The following RBFOX1 variants were observed in gnomAD, a reference collection of about 807,000 sequenced individuals.
RBFOX1 encodes RNA binding protein fox-1 homolog 1.
RBFOX1 carries 8 observed loss-of-function variants against 57.7 expected under a neutral mutation model. The ratio of observed to expected loss-of-function variants is 0.14; its 90% CI spans 0.08 to 0.25. RBFOX1 has a LOEUF of 0.25. RBFOX1 is among the 10% of genes least tolerant of loss of function. The probability of loss-of-function intolerance (pLI) is 1.00; values close to 1 mark genes in which losing one functional copy is unlikely to be tolerated. For missense variants in RBFOX1, 611 were observed against 548.5 expected (o/e 1.11, Z -1.14); for synonymous variants, 326 against 222.4 (o/e 1.47, Z -4.15).
chr16:5,842,478 G>C (rs1437900544), intron 3 of RBFOX1, among the ~76,000 whole-genome samples: 1 of 152,160 alleles, frequency 6.6e-6, no homozygotes, highest in South Asian at 2.1e-4. Context: ...AGCACCTACT[G>C]CATGCCTGCC....
intron 3 of RBFOX1, among the ~76,000 whole-genome samples, chr16:6,740,668 A>C (rs2071783032): frequency 6.6e-6 from 1 of 152,220 alleles, no homozygotes; most frequent in African/African-American, 2.4e-5. Context: ...TTAGGTGTGC[A>C]TCTAACAGGA....
chr16:6,496,765 G>A (rs892960134), intron 2 of RBFOX1, among the ~76,000 whole-genome samples: 1 of 152,112 alleles, frequency 6.6e-6, no homozygotes, highest in Non-Finnish European at 1.5e-5. Context: ...TTCGAGACCA[G>A]CCTGGCCAAC....
chr16:5,850,358 A>G (rs1002886769), intron 3 of RBFOX1, among the ~76,000 whole-genome samples: 5 of 152,220 alleles, frequency 3.3e-5, no homozygotes, highest in Non-Finnish European at 5.9e-5. Flanking sequence ...TAGTAAGAAC[A>G]TATGTGTGCA....
intron 5 of RBFOX1, among the ~76,000 whole-genome samples, chr16:7,576,594 T>C (rs192582833): frequency 1.0e-3 from 156 of 152,354 alleles, no homozygotes; most frequent in African/African-American, 3.4e-3. Context: ...AAATGATTAA[T>C]TGAGCGTTGT....
intron 4 of RBFOX1, among the ~76,000 whole-genome samples, chr16:7,385,225 T>C (rs1219970611): frequency 2.0e-5 from 3 of 152,210 alleles, no homozygotes; most frequent in Non-Finnish European, 4.4e-5. Context: ...CAAAGATGAC[T>C]GCTTGCCACG....
chr16:7,026,571 C>G (rs559291405), intron 3 of RBFOX1, among the ~76,000 whole-genome samples: 2 of 152,126 alleles, frequency 1.3e-5, no homozygotes, highest in African/African-American at 2.4e-5. Flanking sequence ...CTCCCCGTCC[C>G]CTCTCCTGGC....
At chr16:7,448,218 C>A (rs763919369) in intron 4 of RBFOX1, among the ~76,000 whole-genome samples, 2 of 152,142 alleles carry the variant, frequency 1.3e-5, no homozygotes, top group African/African-American at 2.4e-5. Context: ...TCTCTTAGTT[C>A]TGGAAGTTGG....
intron 3 of RBFOX1, among the ~76,000 whole-genome samples, chr16:7,036,436 C>T (rs753101625): frequency 6.6e-6 from 1 of 151,938 alleles, no homozygotes; most frequent in African/African-American, 2.4e-5. Flanking sequence ...GGCGGCCGGG[C>T]GTGGTGGCTC....
chr16:7,555,845 G>A (rs2088242878), intron 5 of RBFOX1, among the ~76,000 whole-genome samples: 1 of 152,126 alleles, frequency 6.6e-6, no homozygotes, highest in East Asian at 1.9e-4. Flanking sequence ...CTCCTGCTCA[G>A]TATTTATCTC....
intron 1 of RBFOX1, among the ~76,000 whole-genome samples, chr16:5,393,211 G>T (rs1351868895): frequency 1.3e-5 from 2 of 152,086 alleles, no homozygotes; most frequent in Non-Finnish European, 2.9e-5. Context: ...GGCTGTGGCT[G>T]TTCTGAGTCA....
intron 13 of RBFOX1, among the ~76,000 whole-genome samples, chr16:7,666,620 G>T (rs1194772495): frequency 6.6e-6 from 1 of 152,136 alleles, no homozygotes; most frequent in Non-Finnish European, 1.5e-5. Flanking sequence ...CACAAATAAG[G>T]AAAAAGAAGG....
chr16:6,563,647 C>T (rs113113124), intron 2 of RBFOX1, among the ~76,000 whole-genome samples: 1 of 151,938 alleles, frequency 6.6e-6, no homozygotes, highest in African/African-American at 2.4e-5. Context: ...GGTTCACGAC[C>T]GTTATCAGCA....
At chr16:6,759,275 C>G (rs769307153) in intron 3 of RBFOX1, among the ~76,000 whole-genome samples, 1 of 152,050 alleles carries the variant, frequency 6.6e-6, no homozygotes, top group East Asian at 1.9e-4. Flanking sequence ...TTCAGCCTCC[C>G]AAGTAGCTGG....
chr16:6,796,715 C>T (rs1436302520), intron 3 of RBFOX1, among the ~76,000 whole-genome samples: 1 of 152,078 alleles, frequency 6.6e-6, no homozygotes, highest in Non-Finnish European at 1.5e-5. Context: ...GATGAACTTT[C>T]TCTCCTGGGT....
chr16:6,388,497 T>C (rs889266949), intron 2 of RBFOX1, among the ~76,000 whole-genome samples: 4 of 152,142 alleles, frequency 2.6e-5, no homozygotes, highest in Admixed American at 1.3e-4. Context: ...TTTAATTAAT[T>C]TGTCTTTTAG....
At chr16:7,432,470 C>T (rs1447405047) in intron 4 of RBFOX1, among the ~76,000 whole-genome samples, 1 of 152,186 alleles carries the variant, frequency 6.6e-6, no homozygotes, top group Non-Finnish European at 1.5e-5. Flanking sequence ...ACTCAGGTTG[C>T]ATTGCACCTT....
chr16:7,414,006 A>G (rs754314090), intron 4 of RBFOX1, among the ~76,000 whole-genome samples: 48 of 152,198 alleles, frequency 3.2e-4, no homozygotes, highest in Non-Finnish European at 6.5e-4. Flanking sequence ...CACCTCCTGC[A>G]GAGATGTGGA....
intron 3 of RBFOX1, among the ~76,000 whole-genome samples, chr16:5,772,504 C>A (rs2054014148): frequency 6.6e-6 from 1 of 152,118 alleles, no homozygotes; most frequent in Admixed American, 6.6e-5. Flanking sequence ...AAATTCAACC[C>A]AATTATATGA....
At chr16:6,852,925 C>T (rs74007110) in intron 3 of RBFOX1, among the ~76,000 whole-genome samples, 13,031 of 152,202 alleles carry the variant, frequency 0.086, 622 homozygotes, top group South Asian at 0.11. Flanking sequence ...ACTAGCTGTC[C>T]ATGCAAGGAG....
Sources: allele counts gnomAD v4.1 joint callset (sites outside exome capture counted in the v4.1 genomes callset), GRCh38; gene constraint gnomAD v4.1.1; transcripts MANE v1.5; gene names NCBI Gene and HGNC (gene_info 2026-07-23, HGNC 2026-07-21).